The following BCAS3 variants were observed in gnomAD, a reference collection of about 807,000 sequenced individuals.
BCAS3 encodes the protein BCAS3 microtubule associated cell migration factor.
BCAS3 carries 53 observed loss-of-function variants against 116.1 expected under a neutral mutation model. The observed-to-expected ratio is 0.46, with a 90% CI of 0.37 to 0.57. The LOEUF is 0.57. Ranked by LOEUF, BCAS3 falls within the 20% of genes least tolerant of loss-of-function variation. The probability of loss-of-function intolerance (pLI) is 0.00; values close to 1 mark genes in which losing one functional copy is unlikely to be tolerated. For missense variants in BCAS3, 917 were observed against 1,165.4 expected (o/e 0.79, Z 3.10); for synonymous variants, 391 against 408.2 (o/e 0.96, Z 0.51).
At chr17:61,370,292 G>T (rs2058979660) in intron 23 of BCAS3, among the ~76,000 whole-genome samples, 1 of 151,228 alleles carries the variant, frequency 6.6e-6, no homozygotes, top group African/African-American at 2.4e-5. Context: ...TTTAGCAGAG[G>T]GATTTCATTG....
rs2072796365 is a variant in BCAS3 at position 61,083,346 on chromosome 17, T to G, written c.2328-1121T>G. Among the ~76,000 whole-genome samples the G allele has an allele frequency of 7.1e-6, 1 of 141,772 alleles. No individual in the cohort carries two copies. The highest frequency in any genetic ancestry group is 2.1e-4 in the South Asian group (1 of 4,810). 93.0% of individuals were successfully genotyped at this position (141,772 alleles called of 152,430 possible). Reference sequence around the variant, plus strand: ...GCTATGTCATATATATACACATTGGTCTGTATTTTATGTTTTGTTTCTGCT... The same window carrying G: ...GCTATGTCATATATATACACATTGGGCTGTATTTTATGTTTTGTTTCTGCT... On this transcript the variant is annotated intron_variant, in intron 21 of 23. Transcript: ENST00000407086. This position sits in a 1 kb window ranked among gnomAD's most constrained non-coding sequence, Gnocchi z 4.9.
At chr17:61,031,808 A>C (rs2066660198) in intron 16 of BCAS3, among the ~76,000 whole-genome samples, 1 of 152,132 alleles carries the variant, frequency 6.6e-6, no homozygotes. Flanking sequence ...TCAGAGGAAA[A>C]AAGAAATGAT....
chr17:60,695,247 A>G (rs575164989), intron 4 of BCAS3, among the ~76,000 whole-genome samples: 9 of 149,782 alleles, frequency 6.0e-5, no homozygotes, highest in African/African-American at 2.2e-4. Context: ...CGGCCTCCTT[A>G]GCATCTGGGA....
chr17:60,973,743 C>A (rs1284705365), intron 14 of BCAS3, among the ~76,000 whole-genome samples: 1 of 151,838 alleles, frequency 6.6e-6, no homozygotes, highest in Non-Finnish European at 1.5e-5. Flanking sequence ...CAGGCGCATG[C>A]ACCACACCCG....
intron 21 of BCAS3, among the ~76,000 whole-genome samples, chr17:61,078,936 T>C (rs1010834267): frequency 6.6e-6 from 1 of 152,250 alleles, no homozygotes; most frequent in Non-Finnish European, 1.5e-5. Flanking sequence ...TTAGATTATA[T>C]AAAGTTTTTG....
rs2053341068 is a variant in BCAS3, at chr17:61,300,490, T to C, written c.2426-67837T>C. ...GGCATTTAAACCCATTGTGCTTAAG[T>C]ACCAGATTTCATTGCAGACTCTTTA... On this transcript the variant is annotated intron_variant, in intron 22 of 23. Coordinates refer to ENST00000407086, the MANE Select transcript of BCAS3 (RefSeq NM_017679.5). The surrounding 1 kb of genome is among the most constrained non-coding windows in gnomAD (Gnocchi z 5.1). Among the ~76,000 whole-genome samples the C allele has an allele frequency of 6.6e-6, 1 of 152,168 alleles. No homozygotes were observed. The highest frequency in any genetic ancestry group is 2.1e-4 in the South Asian group (1 of 4,828).
intron 22 of BCAS3, among the ~76,000 whole-genome samples, chr17:61,193,692 G>T (rs2080287175): frequency 6.7e-6 from 1 of 150,112 alleles, no homozygotes; most frequent in African/African-American, 2.5e-5. Context: ...GGGAGGTGGA[G>T]GTTGCTGTGA....
rs536175665 is a variant in BCAS3, at chr17:60,739,884, T to G, written c.322-7314T>G. The stretch of plus-strand genomic sequence containing the variant: ...GAGGTTGCTGTTTTTTTTGTTTTTG[T>G]TTTTTTTTTTCCACACAACACTCTA... On this transcript the variant is annotated intron_variant, in intron 5 of 23. Transcript: ENST00000407086. Among the ~76,000 whole-genome samples the G allele has an allele frequency of 4.6e-3, 679 of 147,208 alleles. 8 individuals carry two copies. The highest frequency in any genetic ancestry group is 0.016 in the African/African-American group (647 of 39,764).
At position 60,930,542 on chromosome 17, in the gene BCAS3, C is replaced by T. The variant is rs372322797; in HGVS notation, c.1087+6042C>T. On this transcript the variant is annotated intron_variant, in intron 13 of 23. Transcript: ENST00000407086. ...TGTGATCTCGGCTCACCACAATCTC[C>T]GCCTCCAGGTTCAAGCAATTCTCCT... is the stretch of plus-strand genomic sequence containing the variant. Among the ~76,000 whole-genome samples, 22 of 150,832 alleles carry T rather than the reference C, an allele frequency of 1.5e-4. 1 individual carries two copies. Among genetic ancestry groups the T allele is most frequent in the East Asian group, 2.0e-4 (1 of 5,060 alleles).
chr17:60,861,606 G>A (rs997688475), intron 7 of BCAS3, among the ~76,000 whole-genome samples: 23 of 151,984 alleles, frequency 1.5e-4, no homozygotes, highest in African/African-American at 4.6e-4. Flanking sequence ...TTGCCTGTTC[G>A]GTATCGTGTT....
At chr17:61,108,258 G>A (rs982565673) in intron 22 of BCAS3, among the ~76,000 whole-genome samples, 7 of 151,894 alleles carry the variant, frequency 4.6e-5, no homozygotes, top group African/African-American at 1.2e-4. Context: ...TAACTTTTAC[G>A]TGATATATCT....
At chr17:60,862,118 C>T (rs1159913546) in intron 7 of BCAS3, among the ~76,000 whole-genome samples, 1 of 152,150 alleles carries the variant, frequency 6.6e-6, no homozygotes, top group Non-Finnish European at 1.5e-5. Flanking sequence ...CTCGTCTCTA[C>T]TAAAAATACA....
At chr17:60,780,459 T>A (rs755567885) in intron 6 of BCAS3, among the ~76,000 whole-genome samples, 7 of 152,038 alleles carry the variant, frequency 4.6e-5, no homozygotes, top group Non-Finnish European at 1.0e-4. Flanking sequence ...CCCGCCACCA[T>A]GCCTGGCTAA....
In BCAS3 at chr17:61,112,539, A is replaced by G. The variant is rs1467787736; in HGVS notation, c.2425+27975A>G. Among the ~76,000 whole-genome samples, 20 of 87,770 alleles carry G rather than the reference A, an allele frequency of 2.3e-4. 1 individual carries two copies. Among genetic ancestry groups the G allele is most frequent in the Admixed American group, 2.5e-4 (2 of 8,136 alleles). The allele number at this position is 87,770 out of a possible 152,430, so 57.6% of individuals were successfully genotyped here. A position where few individuals can be genotyped will look rare whatever the true frequency, so the allele number is the denominator to read the frequency against. The stretch of plus-strand genomic sequence containing the variant: ...ATCAATTCAACAAGAAGAGCTAACT[A>G]TCCTAAATATATATGCACCCAATAC... On this transcript the variant is annotated intron_variant, in intron 22 of 23. Transcript: ENST00000407086.
chr17:61,049,045 T>A (rs2068599577), intron 19 of BCAS3, among the ~76,000 whole-genome samples: 1 of 151,986 alleles, frequency 6.6e-6, no homozygotes, highest in African/African-American at 2.4e-5. Flanking sequence ...AGAAAAGTAA[T>A]CCCAGCACTT....
chr17:60,727,212 CA>C, intron 5 of BCAS3: 1 of 938,966 alleles, frequency 1.1e-6, no homozygotes, highest in Non-Finnish European at 1.7e-6. Flanking sequence ...CCTCCCGGTT[CA>C]AAATGCTTAC....
In BCAS3 at chr17:61,326,818, G is replaced by T. The variant is rs1358081222; in HGVS notation, c.2426-41509G>T. On this transcript the variant is annotated intron_variant, in intron 22 of 23. Coordinates refer to ENST00000407086, the MANE Select transcript of BCAS3 (RefSeq NM_017679.5). The surrounding 1 kb of genome is among the most constrained non-coding windows in gnomAD (Gnocchi z 5.3). Reference sequence around the variant, plus strand: ...CACAGAAGAGGTGTTTGGTCTAGGGGTTTCCTTAGGAAAGAATGGGGAGAG... The same window carrying T: ...CACAGAAGAGGTGTTTGGTCTAGGGTTTTCCTTAGGAAAGAATGGGGAGAG... 6.6e-6 allele frequency among the ~76,000 whole-genome samples: 1 copy of T among 152,102 alleles called. No homozygotes were observed. The highest frequency in any genetic ancestry group is 1.9e-4 in the East Asian group (1 of 5,188).
chr17:61,299,226 G>T (rs932354765), intron 22 of BCAS3, among the ~76,000 whole-genome samples: 18 of 151,840 alleles, frequency 1.2e-4, no homozygotes, highest in Non-Finnish European at 2.1e-4. Flanking sequence ...GGTGGATCAC[G>T]AGGTCCGGAG....
chr17:60,691,947 C>T (rs147199763), intron 4 of BCAS3, among the ~76,000 whole-genome samples: 190 of 150,720 alleles, frequency 1.3e-3, no homozygotes, highest in African/African-American at 4.4e-3. Flanking sequence ...ATTACAGTGA[C>T]TGAAATTAGA....
Sources: allele counts gnomAD v4.1 joint callset (sites outside exome capture counted in the v4.1 genomes callset), GRCh38; gene constraint gnomAD v4.1.1; non-coding constraint Gnocchi (gnomAD v3.1); transcripts MANE v1.5; gene names NCBI Gene and HGNC (gene_info 2026-07-23, HGNC 2026-07-21).